The following ATG2A variants were observed in gnomAD, a reference collection of about 807,000 sequenced individuals.
ATG2A encodes autophagy-related protein 2 homolog A.
In ATG2A, 103 loss-of-function variants were observed where a neutral mutation model predicts 214.2. That is an observed-to-expected ratio of 0.48 (90% CI 0.41 to 0.57). The LOEUF (loss-of-function observed/expected upper bound fraction) is 0.57, where lower values mean the gene tolerates loss of function less well. ATG2A is among the 20% of genes least tolerant of loss of function. ATG2A has a pLI of 0.00. For missense variants in ATG2A, 2,312 were observed against 2,613.2 expected (o/e 0.88, Z 2.51); for synonymous variants, 1,160 against 1,142.1 (o/e 1.02, Z -0.32).
rs368063274 is a variant in ATG2A, at chr11:64,910,583, G to T, written c.1707+33C>A. On this transcript the variant is annotated intron_variant, in intron 12 of 40. Coordinates refer to ENST00000377264, the MANE Select transcript of ATG2A (RefSeq NM_015104.3). ...CCAGGGTGGGGTCAACACGCCATGG[G>T]GACAGCCTGGTGGCCTGGAGCGGGT... 22 of 1,568,926 alleles carry T rather than the reference G, an allele frequency of 1.4e-5. No homozygotes were observed. The African/African-American group carries it at 2.3e-4, about 16-fold the overall frequency.
Position 64,907,901 on chromosome 11 carries a change from T to G in ATG2A, c.2365-11A>C. On this transcript the variant is annotated splice_polypyrimidine_tract_variant and intron_variant, in intron 16 of 40. Transcript: ENST00000377264. ...TCCAGGGATCACCATCTGGACAGGG[T>G]GAGGTGGAAAGAGCAGGAGAGTCAT... 6.2e-7 allele frequency: 1 copy of G among 1,610,184 alleles called. No individual in the cohort carries two copies. The highest frequency in any genetic ancestry group is 1.3e-5 in the African/African-American group (1 of 74,934).
At chr11:64,910,994 G>A (rs1480007970) in intron 10 of ATG2A, 40 bp from the exon 11 acceptor site, 1 of 1,613,608 alleles carries the variant, frequency 6.2e-7, no homozygotes, top group Admixed American at 1.7e-5. Flanking sequence ...TGCACTTAGG[G>A]GGCTCTGATG....
At chr11:64,910,493 T>G in intron 12 of ATG2A, 123 bp downstream of exon 12, 6 of 1,188,860 alleles carry the variant, frequency 5.0e-6, no homozygotes, top group African/African-American at 1.5e-5. Context: ...GGCCCCAGCA[T>G]GGAGAGATGT....
At position 64,911,859 on chromosome 11, in the gene ATG2A, G is replaced by A. The variant is rs60711419; in HGVS notation, c.1211C>T (p.Ala404Val). ...RSDMASRRLS[A>V]QAHPAGKMAP... ...CAACTCACCAGCTGGGTGGGCCTGG[G>A]CAGAGAGCCGGCGGGAGGCCATGTC... The change falls in exon 9 of 41, where the codon GCC (alanine) becomes GTC (valine). Residue 404 changes from alanine (A) to valine (V), a missense_variant. Transcript: ENST00000377264. 77,507 of 1,612,968 alleles carry A rather than the reference G, an allele frequency of 0.048. 2,573 individuals carry two copies. Among genetic ancestry groups the A allele is most frequent in the African/African-American group, 0.14 (10,491 of 74,984 alleles).
Position 64,913,769 on chromosome 11 carries a change from GCCCCCACTCCCCA to G in ATG2A, c.590+39_590+51del. On this transcript the variant is annotated intron_variant, in intron 4 of 40. Transcript: ENST00000377264. The surrounding 1 kb of genome is among the most constrained non-coding windows in gnomAD (Gnocchi z 4.3). The stretch of plus-strand genomic sequence containing the variant: ...GGCTGCGGGTGGGGACCATCCAGCA[GCCCCCACTCCCCA>G]TCTTCACACCAGTCCACCCCAGATC... The G allele has an allele frequency of 6.4e-7, 1 of 1,561,174 alleles. No homozygotes were observed. Among genetic ancestry groups the G allele is most frequent in the East Asian group, 2.2e-5 (1 of 44,542 alleles).
rs1018969265 is a variant in ATG2A, at chr11:64,909,457, C to T, written c.2108-90G>A. On this transcript the variant is annotated intron_variant, in intron 14 of 40. Coordinates refer to ENST00000377264, the MANE Select transcript of ATG2A (RefSeq NM_015104.3). ...CCAGGTCGGCTCAGAGCTGTGCCCC[C>T]GACTCCACACACACCTTGGTGGGCA... 2.8e-5 allele frequency: 40 copies of T among 1,428,588 alleles called. No homozygotes were observed. The African/African-American group carries it at 3.1e-4, about 11-fold the overall frequency. 88.5% of individuals were successfully genotyped at this position (1,428,588 alleles called of 1,614,324 possible).
Position 64,903,094 on chromosome 11 carries a change from A to T in ATG2A, c.3612+194T>A, listed in dbSNP as rs879738532. 3.3e-5 allele frequency among the ~76,000 whole-genome samples: 5 copies of T among 152,180 alleles called. No homozygotes were observed. Among genetic ancestry groups the T allele is most frequent in the Non-Finnish European group, 5.9e-5 (4 of 68,024 alleles). On this transcript the variant is annotated intron_variant, in intron 26 of 40. Transcript: ENST00000377264. The surrounding 1 kb of genome is among the most constrained non-coding windows in gnomAD (Gnocchi z 4.2). ...AGGGCTGAAACCCATTCATTCATTC[A>T]GCCAGCATCAAGGGACACCCCCACC...
At chr11:64,910,534 C>T in intron 12 of ATG2A, 82 bp downstream of exon 12, 1 of 1,445,984 alleles carries the variant, frequency 6.9e-7, no homozygotes. Flanking sequence ...CAGGGCTGGG[C>T]AGCAGAGGAG....
In ATG2A at chr11:64,909,000, C is replaced by T; in HGVS notation, c.2355G>A (p.Glu785=). The change falls in exon 16 of 41, where the codon GAG becomes GAA. Residue 785 remains glutamate, a synonymous_variant. Coordinates refer to ENST00000377264, the MANE Select transcript of ATG2A (RefSeq NM_015104.3). ...TGGGGCCAAGTCTCACCTCCTCTGT[C>T]TCATACATGGTCCTCTTAGAGGAGA... is the stretch of plus-strand genomic sequence containing the variant. ...SPFSSKRTMY[E]TEEMVIPGDP... is the part of the protein sequence containing the mutation. 2 of 1,586,888 alleles carry T rather than the reference C, an allele frequency of 1.3e-6. No individual in the cohort carries two copies. The highest frequency in any genetic ancestry group is 1.7e-6 in the Non-Finnish European group (2 of 1,166,558).
rs759511214 is a variant in ATG2A, at chr11:64,895,166, C to T, written c.5624G>A (p.Arg1875Gln). Residue 1875 changes from arginine to glutamine, a missense_variant, in exon 41 of 41, where the codon CGG becomes CAG. Coordinates refer to ENST00000377264, the MANE Select transcript of ATG2A (RefSeq NM_015104.3). This position sits in a 1 kb window ranked among gnomAD's most constrained non-coding sequence, Gnocchi z 5.0. Reference protein sequence around the residue: ...TAQTICDVASRGHEQKGLTGA... With the variant: ...TAQTICDVASQGHEQKGLTGA... Reference sequence around the variant, plus strand: ...CGTCAGCCCCTTCTGCTCATGGCCCCGCGATGCCACGTCACAGATGGTCTG... The same window carrying T: ...CGTCAGCCCCTTCTGCTCATGGCCCTGCGATGCCACGTCACAGATGGTCTG... The T allele has an allele frequency of 7.3e-5, 118 of 1,612,992 alleles. No homozygotes were observed. The highest frequency in any genetic ancestry group is 9.4e-5 in the Non-Finnish European group (111 of 1,179,624).
rs537534402 is a variant in ATG2A at position 64,894,703 on chromosome 11, CTCCG to C, written c.*266_*269del. Reference sequence around the variant, plus strand: ...GGATGGGGTCCGAGGGTCCAAAAGCCTCCGTCCTGGGAGAAGGCAGCAGTGTGGG... The same window carrying C: ...GGATGGGGTCCGAGGGTCCAAAAGCCTCCTGGGAGAAGGCAGCAGTGTGGG... On this transcript the variant is annotated 3_prime_UTR_variant, in exon 41 of 41. Coordinates refer to ENST00000377264, the MANE Select transcript of ATG2A (RefSeq NM_015104.3). The C allele has an allele frequency of 2.2e-3, 1,500 of 687,772 alleles. 5 individuals are homozygous for C. The highest frequency in any genetic ancestry group is 3.4e-3 in the Non-Finnish European group (1,278 of 375,492). 42.6% of individuals were successfully genotyped at this position (687,772 alleles called of 1,614,324 possible).
intron 27 of ATG2A, 63 bp from the exon 28 acceptor site, chr11:64,902,449 G>C (rs775452953): frequency 2.0e-6 from 3 of 1,529,590 alleles, no homozygotes; most frequent in Admixed American, 2.0e-5. Flanking sequence ...CCCCAGGCCC[G>C]AGGGCCATGG....
In ATG2A at chr11:64,902,549, C is replaced by A; in HGVS notation, c.3744G>T (p.Arg1248=). 1 of 1,358,478 alleles carries A rather than the reference C, an allele frequency of 7.4e-7. No individual in the cohort carries two copies. Among genetic ancestry groups the A allele is most frequent in the Non-Finnish European group, 1.0e-6 (1 of 975,876 alleles). 84.2% of individuals were successfully genotyped at this position (1,358,478 alleles called of 1,614,324 possible). A position where few individuals can be genotyped will look rare whatever the true frequency, so the allele number is the denominator to read the frequency against. Residue 1248 remains arginine (R), a synonymous_variant, in exon 27 of 41, where the codon CGG becomes CGT. Coordinates refer to ENST00000377264, the MANE Select transcript of ATG2A (RefSeq NM_015104.3). ...CGGCGATCTCCGTGGGGCTGGGGGG[C>A]CGGGGTGGGGGGTGCAGATCGCCTG... ...MSTGDLHPPP[R]PPSPTEIAGQ...
Position 64,909,019 on chromosome 11 carries a change from G to A in ATG2A, c.2336C>T (p.Ser779Phe), listed in dbSNP as rs368531454. 8.7e-6 allele frequency: 14 copies of A among 1,604,654 alleles called. No individual in the cohort carries two copies. Among genetic ancestry groups the A allele is most frequent in the Non-Finnish European group, 1.2e-5 (14 of 1,176,010 alleles). The stretch of plus-strand genomic sequence containing the variant: ...CTCTGTCTCATACATGGTCCTCTTA[G>A]AGGAGAAGGGCGAGGGCTCAGGTTC... ...LREPEPSPFS[S>F]KRTMYETEEM... The change falls in exon 16 of 41, where the codon TCT becomes TTT. Residue 779 changes from serine (S) to phenylalanine (F), a missense_variant. Physicochemically the swap from Ser to Phe is radical, Grantham distance 155. Transcript: ENST00000377264.
In ATG2A at chr11:64,909,269, A is replaced by G; in HGVS notation, c.2204+2T>C. Reference sequence around the variant, plus strand: ...TGGGCCCAGTCCAGAGCCCCTACTTACTGGGGCAGGAAGTACTTGCGCCCA... The same window carrying G: ...TGGGCCCAGTCCAGAGCCCCTACTTGCTGGGGCAGGAAGTACTTGCGCCCA... On this transcript the variant is annotated splice_donor_variant, in intron 15 of 40. Transcript: ENST00000377264. LOFTEE classifies it high-confidence loss of function. 1 of 1,613,264 alleles carries G rather than the reference A, an allele frequency of 6.2e-7. No homozygotes were observed. The highest frequency in any genetic ancestry group is 8.5e-7 in the Non-Finnish European group (1 of 1,179,808).
Position 64,902,280 on chromosome 11 carries a change from C to G in ATG2A, c.3884G>C (p.Arg1295Pro). 6.2e-7 allele frequency: 1 copy of G among 1,612,926 alleles called. No homozygotes were observed. The highest frequency in any genetic ancestry group is 8.5e-7 in the Non-Finnish European group (1 of 1,179,982). ...DALLDTERSL[R>P]ELAQPSGGHL... ...TTCACCTGAAGGCTGGGCCAGCTCC[C>G]GTAGGCTGCGCTCGGTGTCCAGGAG... Residue 1295 changes from arginine (R) to proline (P), a missense_variant, in exon 28 of 41, where the codon CGG becomes CCG. Coordinates refer to ENST00000377264, the MANE Select transcript of ATG2A (RefSeq NM_015104.3).
rs983657597 is a variant in ATG2A, at chr11:64,906,133, C to G, written c.3244G>C (p.Glu1082Gln). ...ATLRHYMALP[E>Q]QSWHSQLLEF... ...CTCACCTGGGAATGCCAGCTCTGCT[C>G]GGGCAGGGCCATGTAGTGGCGCAAG... The change falls in exon 22 of 41, where the codon GAG (glutamate) becomes CAG (glutamine). Residue 1082 changes from glutamate (E) to glutamine (Q), a missense_variant. Coordinates refer to ENST00000377264, the MANE Select transcript of ATG2A (RefSeq NM_015104.3). The G allele has an allele frequency of 1.9e-6, 3 of 1,590,868 alleles. No individual in the cohort carries two copies. The African/African-American group carries it at 4.0e-5, about 21-fold the overall frequency.
Position 64,913,414 on chromosome 11 carries a change from G to C in ATG2A, c.591-13C>G. ...ACAGTACTCCAGTCTGGAGAGTGTAGGGTCAGCCCGTGCCCTGGCCACCCC... is the reference window on the plus strand; with the variant it reads ...ACAGTACTCCAGTCTGGAGAGTGTACGGTCAGCCCGTGCCCTGGCCACCCC... On this transcript the variant is annotated splice_polypyrimidine_tract_variant and intron_variant, in intron 4 of 40. Transcript: ENST00000377264. This position sits in a 1 kb window ranked among gnomAD's most constrained non-coding sequence, Gnocchi z 4.3. 6 of 1,564,540 alleles carry C rather than the reference G, an allele frequency of 3.8e-6. No homozygotes were observed. The highest frequency in any genetic ancestry group is 5.2e-6 in the Non-Finnish European group (6 of 1,153,054).
intron 16 of ATG2A, 84 bp from the exon 17 acceptor site, chr11:64,907,974 C>G: frequency 2.7e-6 from 4 of 1,472,360 alleles, no homozygotes; most frequent in Non-Finnish European, 3.7e-6. Context: ...TCCTGCCCTC[C>G]TGTCGTTCAT....
Sources: allele counts gnomAD v4.1 joint callset (sites outside exome capture counted in the v4.1 genomes callset), GRCh38; gene constraint gnomAD v4.1.1; non-coding constraint Gnocchi (gnomAD v3.1); transcripts MANE v1.5; gene names NCBI Gene and HGNC (gene_info 2026-07-23, HGNC 2026-07-21).